PTCHD4: variants seen among roughly 807,000 people sequenced by gnomAD.
PTCHD4 encodes patched domain containing 4.
PTCHD4 carries 33 observed loss-of-function variants against 58.1 expected under a neutral mutation model. That is an observed-to-expected ratio of 0.57 (90% confidence interval 0.43 to 0.76). The LOEUF (loss-of-function observed/expected upper bound fraction) is 0.76, where lower values mean the gene tolerates loss of function less well. Ranked by LOEUF, PTCHD4 falls within the 30% of genes least tolerant of loss-of-function variation. PTCHD4 has a pLI of 0.00. For missense variants in PTCHD4, 1,058 were observed against 1,027.1 expected, an observed-to-expected ratio of 1.03 and a Z score of -0.41; for synonymous variants, 478 against 409.6, an observed-to-expected ratio of 1.17 and a Z score of -2.02.
intron 4 of PTCHD4, among the ~76,000 whole-genome samples, chr6:47,888,481 T>C (rs557525363): frequency 6.6e-6 from 1 of 152,154 alleles, no homozygotes; most frequent in Non-Finnish European, 1.5e-5. Flanking sequence ...AGGTCTCTAA[T>C]AAGAAAAAAT....
chr6:48,105,606 G>C (rs1348817761), intron 1 of PTCHD4, among the ~76,000 whole-genome samples: 1 of 152,032 alleles, frequency 6.6e-6, no homozygotes, highest in East Asian at 1.9e-4. Context: ...GATCAGAGCA[G>C]AACTGAAGGA....
At chr6:47,927,349 G>A (rs541546239) in intron 4 of PTCHD4, among the ~76,000 whole-genome samples, 5 of 152,274 alleles carry the variant, frequency 3.3e-5, no homozygotes, top group South Asian at 2.1e-4. Flanking sequence ...CAGTCCCTCC[G>A]TAGCCTATCT....
At chr6:47,911,978 G>T (rs1177297644) in intron 4 of PTCHD4, among the ~76,000 whole-genome samples, 1 of 152,082 alleles carries the variant, frequency 6.6e-6, no homozygotes, top group Non-Finnish European at 1.5e-5. Flanking sequence ...CAGGGAGGTA[G>T]AAAAATAATT....
intron 4 of PTCHD4, among the ~76,000 whole-genome samples, chr6:47,989,029 A>T (rs956215482): frequency 1.3e-5 from 2 of 152,192 alleles, no homozygotes; most frequent in Non-Finnish European, 2.9e-5. Context: ...CCTGATAGCG[A>T]TATGGACGAT....
Position 47,868,200 on chromosome 6 carries a change from A to T in PTCHD4, c.*10103T>A, listed in dbSNP as rs1376572808. ...TTTTTCTCACTTTACCTTTTTTTTTAAAAAAACACCCTTGTCCTTAATTTT... is the reference window on the plus strand; with the variant it reads ...TTTTTCTCACTTTACCTTTTTTTTTTAAAAAACACCCTTGTCCTTAATTTT... On this transcript the variant is annotated 3_prime_UTR_variant, in exon 5 of 5. Transcript: ENST00000339488. Among the ~76,000 whole-genome samples, 5 of 151,098 alleles carry T rather than the reference A, an allele frequency of 3.3e-5. No individual in the cohort carries two copies. The highest frequency in any genetic ancestry group is 2.1e-4 in the South Asian group (1 of 4,812).
intron 3 of PTCHD4, among the ~76,000 whole-genome samples, chr6:48,010,420 G>A (rs1442728545): frequency 4.6e-5 from 7 of 152,044 alleles, no homozygotes; most frequent in Non-Finnish European, 2.9e-5. Context: ...AATTCTTGTG[G>A]ACTTGTTTAG....
chr6:48,110,830 A>G (rs1407437641), intron 1 of PTCHD4, among the ~76,000 whole-genome samples: 1 of 148,700 alleles, frequency 6.7e-6, no homozygotes, highest in Non-Finnish European at 1.5e-5. Context: ...ATCTTTACAA[A>G]TATGTTCTCC....
At chr6:47,930,529 C>A (rs760994548) in intron 4 of PTCHD4, among the ~76,000 whole-genome samples, 1 of 152,050 alleles carries the variant, frequency 6.6e-6, no homozygotes, top group African/African-American at 2.4e-5. Context: ...ATCCAAGACA[C>A]ACATTAAAGA....
intron 1 of PTCHD4, among the ~76,000 whole-genome samples, chr6:48,076,154 C>G (rs1248709571): frequency 2.6e-5 from 4 of 152,208 alleles, no homozygotes; most frequent in Non-Finnish European, 5.9e-5. Flanking sequence ...AAACCACTTT[C>G]TTTGCTCATC....
intron 4 of PTCHD4, among the ~76,000 whole-genome samples, chr6:47,924,012 T>G (rs1219287926): frequency 1.3e-5 from 2 of 152,212 alleles, no homozygotes; most frequent in African/African-American, 4.8e-5. Context: ...AGCACTCCCC[T>G]TGACATTTCC....
intron 4 of PTCHD4, among the ~76,000 whole-genome samples, chr6:47,958,906 C>T (rs1430648480): frequency 6.6e-6 from 1 of 152,142 alleles, no homozygotes; most frequent in Non-Finnish European, 1.5e-5. Flanking sequence ...ATGAGCATTG[C>T]TCTGATTTCA....
chr6:47,981,043 A>G (rs1296984598), intron 4 of PTCHD4, among the ~76,000 whole-genome samples: 1 of 152,092 alleles, frequency 6.6e-6, no homozygotes, highest in Non-Finnish European at 1.5e-5. Flanking sequence ...TGTGTGCTGT[A>G]TTCCCGTAGT....
intron 4 of PTCHD4, among the ~76,000 whole-genome samples, chr6:47,965,496 A>C (rs1767251195): frequency 6.6e-6 from 1 of 152,220 alleles, no homozygotes; most frequent in Non-Finnish European, 1.5e-5. Context: ...TAGGAGTTTA[A>C]TGATTTTAAC....
rs1364478973 is a variant in PTCHD4 at position 48,022,482 on chromosome 6, A to G, written c.418-13368T>C. Among the ~76,000 whole-genome samples, 7 of 152,250 alleles carry G rather than the reference A, an allele frequency of 4.6e-5. No homozygotes were observed. In the East Asian group the frequency reaches 1.3e-3, roughly 29 times the overall value. ...GGTCTGTACAATTGTTCCTTACTAT[A>G]ACCAAGATATTCAGCTTCAAAGATA... On this transcript the variant is annotated intron_variant, in intron 3 of 4. Coordinates refer to ENST00000339488, the MANE Select transcript of PTCHD4 (RefSeq NM_001384253.1).
At chr6:47,912,931 G>A (rs895990877) in intron 4 of PTCHD4, among the ~76,000 whole-genome samples, 4 of 151,836 alleles carry the variant, frequency 2.6e-5, no homozygotes, top group Admixed American at 6.6e-5. Context: ...TCTATCTTTC[G>A]CCTTGCTTCC....
intron 4 of PTCHD4, among the ~76,000 whole-genome samples, chr6:47,965,488 G>A (rs911332874): frequency 2.6e-5 from 4 of 152,098 alleles, no homozygotes; most frequent in African/African-American, 9.7e-5. Flanking sequence ...TGTTTTAATA[G>A]GAGTTTAATG....
intron 4 of PTCHD4, among the ~76,000 whole-genome samples, chr6:47,975,125 C>T (rs1767644894): frequency 6.6e-6 from 1 of 152,182 alleles, no homozygotes; most frequent in Non-Finnish European, 1.5e-5. Context: ...CTCATCATGG[C>T]CTTTAAGCTT....
chr6:47,948,309 G>A (rs911836728), intron 4 of PTCHD4, among the ~76,000 whole-genome samples: 3 of 152,154 alleles, frequency 2.0e-5, no homozygotes, highest in Admixed American at 6.5e-5. Flanking sequence ...CAGCAATGAC[G>A]AGAGGCTCTT....
chr6:48,002,560 G>A (rs960859881), intron 4 of PTCHD4, among the ~76,000 whole-genome samples: 2 of 150,764 alleles, frequency 1.3e-5, no homozygotes, highest in African/African-American at 4.9e-5. Context: ...ATTGAACAAT[G>A]AGAACACATG....
Sources: allele counts gnomAD v4.1 joint callset (sites outside exome capture counted in the v4.1 genomes callset), GRCh38; gene constraint gnomAD v4.1.1; transcripts MANE v1.5; gene names NCBI Gene and HGNC (gene_info 2026-07-23, HGNC 2026-07-21).